SMOC1: variants seen among roughly 807,000 people sequenced by gnomAD.
SMOC1 encodes SPARC-related modular calcium-binding protein 1.
A neutral mutation model predicts 56.3 loss-of-function variants in SMOC1; 22 were observed. The observed-to-expected ratio is 0.39, with a 90% CI of 0.28 to 0.56. The LOEUF is 0.56. Among genes scored for constraint, SMOC1 ranks in the 20% least tolerant of loss-of-function variants. The pLI is 0.61. For missense variants in SMOC1, 509 were observed against 565.4 expected, an observed-to-expected ratio of 0.90 and a Z score of 1.01; for synonymous variants, 193 against 215.0, an observed-to-expected ratio of 0.90 and a Z score of 0.89.
At chr14:70,022,782 C>T (rs964160376) in intron 10 of SMOC1, among the ~76,000 whole-genome samples, 1 of 152,254 alleles carries the variant, frequency 6.6e-6, no homozygotes, top group African/African-American at 2.4e-5. Flanking sequence ...ACCTTCCCCA[C>T]AGTCAGTCCA....
chr14:70,010,500 A>G (rs1885296975), intron 7 of SMOC1, among the ~76,000 whole-genome samples: 1 of 152,218 alleles, frequency 6.6e-6, no homozygotes, highest in Non-Finnish European at 1.5e-5. Flanking sequence ...TTGTTGCTGC[A>G]GTTGAACCTA....
chr14:69,923,995 A>C (rs972812408), intron 1 of SMOC1, among the ~76,000 whole-genome samples: 3 of 152,186 alleles, frequency 2.0e-5, no homozygotes, highest in African/African-American at 7.2e-5. Flanking sequence ...CAGTACTTTC[A>C]GCAACTGAAC....
intron 3 of SMOC1, among the ~76,000 whole-genome samples, chr14:69,968,699 C>T (rs1709621138): frequency 6.6e-6 from 1 of 151,216 alleles, no homozygotes; most frequent in Non-Finnish European, 1.5e-5. Flanking sequence ...CATACTCTCA[C>T]TGCCAAAAGA....
chr14:69,920,667 G>A (rs371383469), intron 1 of SMOC1, among the ~76,000 whole-genome samples: 3 of 145,528 alleles, frequency 2.1e-5, no homozygotes, highest in Admixed American at 1.3e-4. Context: ...ACAGTCTGGT[G>A]GGGGGGAGGC....
At chr14:70,008,859 G>A (rs1279948181) in intron 7 of SMOC1, among the ~76,000 whole-genome samples, 3 of 152,190 alleles carry the variant, frequency 2.0e-5, no homozygotes, top group Admixed American at 1.3e-4. Context: ...TGGGGTTGGG[G>A]GAGCTATTGA....
intron 1 of SMOC1, among the ~76,000 whole-genome samples, chr14:69,921,725 G>A (rs1290382472): frequency 1.3e-5 from 2 of 152,184 alleles, no homozygotes; most frequent in African/African-American, 2.4e-5. Context: ...CCCTAACTTG[G>A]GTGGTTTCAC....
Position 69,963,164 on chromosome 14 carries a change from G to A in SMOC1, c.378+9632G>A, listed in dbSNP as rs116590773. Among the ~76,000 whole-genome samples, 653 of 152,202 alleles carry A rather than the reference G, an allele frequency of 4.3e-3. 8 individuals carry two copies. The highest frequency in any genetic ancestry group is 0.015 in the African/African-American group (616 of 41,518). ...TATTTTTTCTTTGTAATTGGACAGT[G>A]AGATGAGGGTTGTTCTGCACCCATG... On this transcript the variant is annotated intron_variant, in intron 3 of 11. Transcript: ENST00000361956.
chr14:70,005,601 A>G (rs2139575868), intron 7 of SMOC1, among the ~76,000 whole-genome samples: 1 of 152,316 alleles, frequency 6.6e-6, no homozygotes, highest in Middle Eastern at 3.4e-3. Flanking sequence ...ACCATGTGCC[A>G]GACTAGGTAC....
intron 1 of SMOC1, among the ~76,000 whole-genome samples, chr14:69,936,490 A>G (rs575036969): frequency 1.6e-4 from 25 of 152,378 alleles, no homozygotes; most frequent in African/African-American, 5.3e-4. Flanking sequence ...ACAGAGGAAC[A>G]AGTAACCCCA....
chr14:69,945,469 T>G (rs1882745402), intron 1 of SMOC1, among the ~76,000 whole-genome samples: 1 of 152,104 alleles, frequency 6.6e-6, no homozygotes, highest in African/African-American at 2.4e-5. Flanking sequence ...TCATCATGGA[T>G]AAGACAGGAA....
chr14:69,889,130 G>T (rs904877111), intron 1 of SMOC1, among the ~76,000 whole-genome samples: 1 of 152,148 alleles, frequency 6.6e-6, no homozygotes, highest in South Asian at 2.1e-4. Context: ...AATGTTAATA[G>T]CCACATGTGG....
intron 10 of SMOC1, 118 bp from the exon 11 acceptor site, chr14:70,023,085 T>A: frequency 6.6e-7 from 1 of 1,525,292 alleles, no homozygotes; most frequent in Non-Finnish European, 9.1e-7. Context: ...GTGGGTGGAC[T>A]TTGGCTTGGA....
chr14:69,961,106 C>A (rs1234838352), intron 3 of SMOC1, among the ~76,000 whole-genome samples: 17 of 151,832 alleles, frequency 1.1e-4, no homozygotes, highest in East Asian at 1.9e-4. Context: ...AATCTACTTT[C>A]TATTTCTATG....
chr14:69,940,889 C>T (rs565235594), intron 1 of SMOC1, among the ~76,000 whole-genome samples: 1 of 152,206 alleles, frequency 6.6e-6, no homozygotes, highest in Admixed American at 6.5e-5. Context: ...AGGGAATGGG[C>T]ATGTGACTTT....
At chr14:69,932,522 C>T (rs998972839) in intron 1 of SMOC1, among the ~76,000 whole-genome samples, 1 of 152,196 alleles carries the variant, frequency 6.6e-6, no homozygotes, top group African/African-American at 2.4e-5. Flanking sequence ...GCTGGAGGAA[C>T]CTTTCGGTGC....
chr14:70,026,187 T>C (rs1468345141), intron 11 of SMOC1, among the ~76,000 whole-genome samples: 1 of 152,210 alleles, frequency 6.6e-6, no homozygotes, highest in East Asian at 1.9e-4. Context: ...TGTGGTCCTT[T>C]CGCAGAGCAC....
chr14:70,011,677 G>A, intron 9 of SMOC1, 110 bp downstream of exon 9: 2 of 1,009,428 alleles, frequency 2.0e-6, no homozygotes, highest in Non-Finnish European at 3.1e-6. Context: ...TGTGTAAGAT[G>A]GAGCCAGGAG....
At chr14:69,899,495 CTA>C (rs1566665488) in intron 1 of SMOC1, among the ~76,000 whole-genome samples, 2 of 152,170 alleles carry the variant, frequency 1.3e-5, no homozygotes, top group Non-Finnish European at 2.9e-5. Context: ...ATGCCTTCCG[CTA>C]TGATTGTAAG....
At chr14:69,981,638 C>T (rs1884181318) in intron 5 of SMOC1, among the ~76,000 whole-genome samples, 1 of 152,088 alleles carries the variant, frequency 6.6e-6, no homozygotes, top group South Asian at 2.1e-4. Flanking sequence ...CCCTTTAGCT[C>T]TGAAAATGCA....
Sources: allele counts gnomAD v4.1 joint callset (sites outside exome capture counted in the v4.1 genomes callset), GRCh38; gene constraint gnomAD v4.1.1; transcripts MANE v1.5; gene names NCBI Gene and HGNC (gene_info 2026-07-23, HGNC 2026-07-21).